ZNF804A: variants seen among roughly 807,000 people sequenced by gnomAD.
ZNF804A encodes the protein zinc finger protein 804A.
Under a neutral mutation model 16.5 loss-of-function variants are expected in ZNF804A, and 2 were observed. The ratio of observed to expected loss-of-function variants is 0.12; its 90% confidence interval spans 0.05 to 0.38. The LOEUF (loss-of-function observed/expected upper bound fraction) is 0.38, where lower values mean the gene tolerates loss of function less well. ZNF804A is among the 10% of genes least tolerant of loss of function. ZNF804A has a pLI of 0.99. For missense variants in ZNF804A, 1,473 were observed against 1,390.7 expected (o/e 1.06, Z -0.94); for synonymous variants, 534 against 489.6 (o/e 1.09, Z -1.20).
In ZNF804A at chr2:184,683,895, C is replaced by T. The variant is rs1323558271; in HGVS notation, c.111+84825C>T. On this transcript the variant is annotated intron_variant, in intron 1 of 3. Transcript: ENST00000302277. ...CTTTAATAATATCTAATTGGGGCCT[C>T]ATTATTGTCCCTTGCTCTAGATAGC... 3.3e-5 allele frequency among the ~76,000 whole-genome samples: 5 copies of T among 152,216 alleles called. No individual in the cohort carries two copies. In the South Asian group the frequency reaches 8.3e-4, roughly 25 times the overall value.
At chr2:184,704,002 A>G (rs1405568932) in intron 1 of ZNF804A, among the ~76,000 whole-genome samples, 1 of 152,144 alleles carries the variant, frequency 6.6e-6, no homozygotes, top group African/African-American at 2.4e-5. Context: ...AAAGATGCGA[A>G]AAGTTCTCTA....
rs988243628 is a variant in ZNF804A, at chr2:184,937,533, A to G, written c.2137A>G (p.Lys713Glu). 6.2e-7 allele frequency: 1 copy of G among 1,612,620 alleles called. No homozygotes were observed. The highest frequency in any genetic ancestry group is 8.5e-7 in the Non-Finnish European group (1 of 1,179,532). The change falls in exon 4 of 4, where the codon AAA (lysine) becomes GAA (glutamate). Residue 713 changes from lysine to glutamate, a missense_variant. By Grantham distance (56) the Lys-to-Glu change is moderately conservative. Transcript: ENST00000302277. ...AAATGCAACAATGATACATTCTGGG[A>G]AACATAATTTAACATATTCTAGAAC... Reference protein sequence around the residue: ...QSNATMIHSGKHNLTYSRTYC... With the variant: ...QSNATMIHSGEHNLTYSRTYC...
chr2:184,881,846 G>A (rs979903121), intron 2 of ZNF804A, among the ~76,000 whole-genome samples: 5 of 151,976 alleles, frequency 3.3e-5, no homozygotes, highest in African/African-American at 7.2e-5. Context: ...ACACACTTAA[G>A]TACATAGAAC....
chr2:184,741,556 A>G (rs1693709448), intron 1 of ZNF804A, among the ~76,000 whole-genome samples: 1 of 152,108 alleles, frequency 6.6e-6, no homozygotes, highest in Non-Finnish European at 1.5e-5. Context: ...CATGACCCCT[A>G]GCTAAATAAA....
At chr2:184,747,817 T>G (rs1693813776) in intron 1 of ZNF804A, among the ~76,000 whole-genome samples, 1 of 151,172 alleles carries the variant, frequency 6.6e-6, no homozygotes, top group Non-Finnish European at 1.5e-5. Context: ...TCTCCCCCAT[T>G]TAGTAGGCCA....
At chr2:184,737,099 C>G (rs1206867794) in intron 1 of ZNF804A, among the ~76,000 whole-genome samples, 1 of 151,614 alleles carries the variant, frequency 6.6e-6, no homozygotes, top group African/African-American at 2.4e-5. Flanking sequence ...CTTTGTCACC[C>G]AGGCTGGAGT....
intron 1 of ZNF804A, among the ~76,000 whole-genome samples, chr2:184,682,099 G>A (rs541778064): frequency 3.3e-5 from 5 of 152,292 alleles, no homozygotes; most frequent in East Asian, 3.9e-4. Context: ...CTGAGTCTTC[G>A]CATGGGCCTG....
chr2:184,796,731 T>G lies in ZNF804A; in HGVS notation c.112-69638T>G, dbSNP rs1423297110. Among the ~76,000 whole-genome samples, 5 of 152,296 alleles carry G rather than the reference T, an allele frequency of 3.3e-5. No homozygotes were observed. The East Asian group carries it at 9.6e-4, about 29-fold the overall frequency. On this transcript the variant is annotated intron_variant, in intron 1 of 3. Transcript: ENST00000302277. ...GGTGTGTCCTTAGAATGTCAGTTTGTGCTCTTTCAGTCTTTTTGATGTAGG... is the reference window on the plus strand; with the variant it reads ...GGTGTGTCCTTAGAATGTCAGTTTGGGCTCTTTCAGTCTTTTTGATGTAGG...
chr2:184,825,225 T>C (rs895862406), intron 1 of ZNF804A, among the ~76,000 whole-genome samples: 1 of 152,114 alleles, frequency 6.6e-6, no homozygotes, highest in African/African-American at 2.4e-5. Flanking sequence ...ATCTGATGGA[T>C]AAATAAATTA....
chr2:184,855,753 G>C (rs1482463748), intron 1 of ZNF804A, among the ~76,000 whole-genome samples: 1 of 151,958 alleles, frequency 6.6e-6, no homozygotes. Context: ...TGTTTTCAGT[G>C]AGTTGGAACA....
chr2:184,777,258 C>T (rs912967930), intron 1 of ZNF804A, among the ~76,000 whole-genome samples: 1 of 151,604 alleles, frequency 6.6e-6, no homozygotes, highest in African/African-American at 2.4e-5. Context: ...TTTTGATATA[C>T]CATTTTGGAA....
chr2:184,807,625 C>T (rs1324925661), intron 1 of ZNF804A, among the ~76,000 whole-genome samples: 2 of 151,724 alleles, frequency 1.3e-5, no homozygotes, highest in African/African-American at 2.4e-5. Flanking sequence ...TGCAAGAAAG[C>T]AAATTTGACC....
intron 1 of ZNF804A, among the ~76,000 whole-genome samples, chr2:184,766,404 A>G (rs1213409229): frequency 1.3e-5 from 2 of 152,040 alleles, no homozygotes; most frequent in East Asian, 1.9e-4. Context: ...TCATAGATAT[A>G]CCCAAAAGAT....
chr2:184,698,002 T>G (rs1284519828), intron 1 of ZNF804A, among the ~76,000 whole-genome samples: 1 of 151,994 alleles, frequency 6.6e-6, no homozygotes, highest in Non-Finnish European at 1.5e-5. Flanking sequence ...TACATAGACT[T>G]TTATTTGGAA....
chr2:184,832,627 TTC>T (rs1252823077), intron 1 of ZNF804A, among the ~76,000 whole-genome samples: 1 of 152,030 alleles, frequency 6.6e-6, no homozygotes, highest in Admixed American at 6.6e-5. Context: ...ATGAAAGATC[TTC>T]TCTTATTTTT....
intron 1 of ZNF804A, among the ~76,000 whole-genome samples, chr2:184,602,007 T>C (rs1291210770): frequency 6.6e-6 from 1 of 152,112 alleles, no homozygotes; most frequent in South Asian, 2.1e-4. Context: ...GGGTAATTCA[T>C]ATTTTAGTGC....
At chr2:184,821,192 C>A (rs1444558496) in intron 1 of ZNF804A, among the ~76,000 whole-genome samples, 1 of 152,088 alleles carries the variant, frequency 6.6e-6, no homozygotes, top group African/African-American at 2.4e-5. Context: ...AACCAAACAG[C>A]ATGGTACTGG....
chr2:184,830,111 CA>C (rs1695239419), intron 1 of ZNF804A, among the ~76,000 whole-genome samples: 3 of 45,764 alleles, frequency 6.6e-5, no homozygotes, highest in Admixed American at 2.6e-4. Flanking sequence ...CACACCCACC[CA>C]CACACACACA....
intron 1 of ZNF804A, among the ~76,000 whole-genome samples, chr2:184,667,882 T>C (rs16826121): frequency 0.038 from 5,738 of 151,936 alleles, 188 homozygotes; most frequent in African/African-American, 0.085. Context: ...AAAATATCTG[T>C]GTTTTCATAA....
Sources: allele counts gnomAD v4.1 joint callset (sites outside exome capture counted in the v4.1 genomes callset), GRCh38; gene constraint gnomAD v4.1.1; transcripts MANE v1.5; gene names NCBI Gene and HGNC (gene_info 2026-07-23, HGNC 2026-07-21).